The following SGMS1 variants were observed in gnomAD, a reference collection of about 807,000 sequenced individuals.
SGMS1 encodes phosphatidylcholine:ceramide cholinephosphotransferase 1.
SGMS1 carries 13 observed loss-of-function variants against 46.2 expected under a neutral mutation model. That is an observed-to-expected ratio of 0.28 (90% CI 0.18 to 0.45). The LOEUF (loss-of-function observed/expected upper bound fraction) is 0.45, where lower values mean the gene tolerates loss of function less well. Among genes scored for constraint, SGMS1 ranks in the 20% least tolerant of loss-of-function variants. The pLI, the probability that SGMS1 is intolerant of heterozygous loss-of-function variation, is 1.00. For synonymous variants in SGMS1, 203 were observed against 187.8 expected, an observed-to-expected ratio of 1.08 and a Z score of -0.66; for missense variants, 324 against 519.9, an observed-to-expected ratio of 0.62 and a Z score of 3.66.
chr10:50,581,556 A>T (rs1394699753), intron 2 of SGMS1, among the ~76,000 whole-genome samples: 1 of 152,162 alleles, frequency 6.6e-6, no homozygotes, highest in African/African-American at 2.4e-5. Flanking sequence ...GCAACGAAGG[A>T]ACTATTAATA....
chr10:50,312,715 A>G (rs1847276289), intron 8 of SGMS1, among the ~76,000 whole-genome samples: 1 of 152,216 alleles, frequency 6.6e-6, no homozygotes, highest in African/African-American at 2.4e-5. Context: ...TTTTTCATAT[A>G]TACACGATTT....
chr10:50,512,937 G>A (rs1423835316), intron 3 of SGMS1, among the ~76,000 whole-genome samples: 1 of 152,172 alleles, frequency 6.6e-6, no homozygotes, highest in East Asian at 1.9e-4. Flanking sequence ...TACAAGTCTT[G>A]AAGACAGCTA....
intron 7 of SGMS1, among the ~76,000 whole-genome samples, chr10:50,339,737 T>C (rs544690995): frequency 1.8e-4 from 27 of 152,334 alleles, no homozygotes; most frequent in African/African-American, 6.3e-4. Context: ...AGGTGAATGA[T>C]GAATAGGGTC....
chr10:50,495,767 A>T (rs1054374630), intron 3 of SGMS1, among the ~76,000 whole-genome samples: 2 of 23,430 alleles, frequency 8.5e-5, no homozygotes, highest in South Asian at 8.3e-4. Context: ...CAAGAATTAT[A>T]AAAAAAAAAA....
chr10:50,464,067 G>C (rs1026468284), intron 4 of SGMS1, among the ~76,000 whole-genome samples: 1 of 152,192 alleles, frequency 6.6e-6, no homozygotes, highest in African/African-American at 2.4e-5. Context: ...AATGGGTATA[G>C]AGTTTCAGTT....
intron 6 of SGMS1, among the ~76,000 whole-genome samples, chr10:50,370,762 C>G (rs938995914): frequency 6.7e-6 from 1 of 148,998 alleles, no homozygotes; most frequent in East Asian, 2.0e-4. Flanking sequence ...AAAAAAGACA[C>G]AAACATACAC....
intron 5 of SGMS1, among the ~76,000 whole-genome samples, chr10:50,440,841 C>T (rs962140614): frequency 2.0e-5 from 3 of 152,162 alleles, no homozygotes; most frequent in African/African-American, 7.2e-5. Context: ...AAACTCCTGG[C>T]TTCAAGCAAT....
At chr10:50,383,560 T>C (rs948791692) in intron 6 of SGMS1, among the ~76,000 whole-genome samples, 8 of 152,150 alleles carry the variant, frequency 5.3e-5, no homozygotes, top group Admixed American at 4.6e-4. Context: ...ACCTTTATAA[T>C]CTGGAGACCC....
intron 3 of SGMS1, among the ~76,000 whole-genome samples, chr10:50,516,347 C>T (rs1837806329): frequency 6.6e-6 from 1 of 152,178 alleles, no homozygotes; most frequent in South Asian, 2.1e-4. Context: ...TAATTCACAA[C>T]AGCAAACATC....
intron 1 of SGMS1, among the ~76,000 whole-genome samples, chr10:50,596,126 T>A (rs968758232): frequency 6.6e-6 from 1 of 151,978 alleles, no homozygotes; most frequent in Non-Finnish European, 1.5e-5. Context: ...CCTCACATAA[T>A]TCAAGATGGA....
At chr10:50,399,327 C>G (rs148687108) in intron 6 of SGMS1, among the ~76,000 whole-genome samples, 4 of 151,894 alleles carry the variant, frequency 2.6e-5, no homozygotes, top group Non-Finnish European at 5.9e-5. Flanking sequence ...TACTTTCATA[C>G]AATAAAAGGT....
At chr10:50,586,418 C>A (rs1838485060) in intron 2 of SGMS1, among the ~76,000 whole-genome samples, 1 of 152,246 alleles carries the variant, frequency 6.6e-6, no homozygotes, top group African/African-American at 2.4e-5. Context: ...GGGGATGTGG[C>A]CCACTGCCAT....
intron 7 of SGMS1, among the ~76,000 whole-genome samples, chr10:50,332,079 C>G (rs1016769843): frequency 6.6e-6 from 1 of 152,202 alleles, no homozygotes; most frequent in Non-Finnish European, 1.5e-5. Flanking sequence ...TTAAAGCCCT[C>G]CAATGGTTGT....
At chr10:50,563,043 G>A (rs1357354349) in intron 2 of SGMS1, among the ~76,000 whole-genome samples, 2 of 152,192 alleles carry the variant, frequency 1.3e-5, no homozygotes, top group East Asian at 3.9e-4. Context: ...ACAGCTTCAT[G>A]AACTCATTCC....
chr10:50,576,805 G>A (rs1412709393), intron 2 of SGMS1, among the ~76,000 whole-genome samples: 1 of 152,194 alleles, frequency 6.6e-6, no homozygotes, highest in African/African-American at 2.4e-5. Context: ...GTGTGTTAAA[G>A]AATCCAAATT....
chr10:50,490,815 A>G (rs1053887777), intron 3 of SGMS1, among the ~76,000 whole-genome samples: 1 of 152,222 alleles, frequency 6.6e-6, no homozygotes, highest in African/African-American at 2.4e-5. Flanking sequence ...TATTAATATC[A>G]GTGTAGACGT....
At chr10:50,391,840 T>TA (rs146392084) in intron 6 of SGMS1, among the ~76,000 whole-genome samples, 32,783 of 123,296 alleles carry the variant, frequency 0.27, 4,186 homozygotes, top group Admixed American at 0.29. Flanking sequence ...ATGCAATCAT[T>TA]AAAAAAAAAA....
chr10:50,582,758 G>C (rs919859401), intron 2 of SGMS1, among the ~76,000 whole-genome samples: 1 of 152,186 alleles, frequency 6.6e-6, no homozygotes, highest in Admixed American at 6.5e-5. Context: ...TGCCTTTCTT[G>C]TACCACACAG....
intron 2 of SGMS1, among the ~76,000 whole-genome samples, chr10:50,556,236 G>C (rs533876258): frequency 6.6e-6 from 1 of 152,130 alleles, no homozygotes; most frequent in African/African-American, 2.4e-5. Flanking sequence ...AATAACTACA[G>C]AGCCTCTACT....
Sources: allele counts gnomAD v4.1 joint callset (sites outside exome capture counted in the v4.1 genomes callset), GRCh38; gene constraint gnomAD v4.1.1; transcripts MANE v1.5; gene names NCBI Gene and HGNC (gene_info 2026-07-23, HGNC 2026-07-21).